UBR1: variants seen among roughly 807,000 people sequenced by gnomAD.
UBR1 encodes ubiquitin protein ligase E3 component n-recognin 1.
In UBR1, 102 loss-of-function variants were observed where a neutral mutation model predicts 242.1. The ratio of observed to expected loss-of-function variants is 0.42; its 90% CI spans 0.36 to 0.50. UBR1 has a LOEUF of 0.50. Ranked by LOEUF, UBR1 falls within the 20% of genes least tolerant of loss-of-function variation. The pLI, the probability that UBR1 is intolerant of heterozygous loss-of-function variation, is 0.01. For missense variants in UBR1, 1,772 were observed against 2,101.8 expected (o/e 0.84, Z 3.07); for synonymous variants, 675 against 684.8 (o/e 0.99, Z 0.22).
chr15:42,960,238 GA>G (rs1326482498), intron 43 of UBR1, among the ~76,000 whole-genome samples: 1 of 151,856 alleles, frequency 6.6e-6, no homozygotes, highest in Non-Finnish European at 1.5e-5. Context: ...ACACAGGAAG[GA>G]AAAAGGATAT....
chr15:42,996,326 C>T lies in UBR1; in HGVS notation c.3757+1842G>A, dbSNP rs1443223635. Among the ~76,000 whole-genome samples, 11 of 152,280 alleles carry T rather than the reference C, an allele frequency of 7.2e-5. No individual in the cohort carries two copies. The South Asian group carries it at 2.3e-3, about 32-fold the overall frequency. On this transcript the variant is annotated intron_variant, in intron 33 of 46. Coordinates refer to ENST00000290650, the MANE Select transcript of UBR1 (RefSeq NM_174916.3). ...TGTATGATAACTTAGGCTGGGCACACTGGCTCATGCCTGTAATCCTGGTAC... is the reference window on the plus strand; with the variant it reads ...TGTATGATAACTTAGGCTGGGCACATTGGCTCATGCCTGTAATCCTGGTAC...
chr15:43,051,302 T>C (rs1215366499), intron 12 of UBR1, among the ~76,000 whole-genome samples: 3 of 152,170 alleles, frequency 2.0e-5, no homozygotes, highest in African/African-American at 7.2e-5. Flanking sequence ...GCCATTATCC[T>C]TAGCAAACTA....
chr15:43,075,134 T>G, intron 3 of UBR1, 45 bp from the exon 4 acceptor site: 2 of 1,372,602 alleles, frequency 1.5e-6, no homozygotes, highest in Non-Finnish European at 2.1e-6. Flanking sequence ...AACATTTTAC[T>G]AAGCATGAAG....
chr15:42,958,499 A>T (rs534940250), intron 43 of UBR1, among the ~76,000 whole-genome samples: 1 of 152,202 alleles, frequency 6.6e-6, no homozygotes, highest in Non-Finnish European at 1.5e-5. Context: ...CCATACTCCA[A>T]TCATGGGGCC....
At chr15:42,957,864 C>T (rs981247643) in intron 44 of UBR1, 149 bp downstream of exon 44, 1 of 706,692 alleles carries the variant, frequency 1.4e-6, no homozygotes, top group East Asian at 2.7e-5. Context: ...AAGATCCTGT[C>T]TAAAAAACAA....
chr15:43,079,773 C>CT, intron 3 of UBR1, among the ~76,000 whole-genome samples: 1 of 151,820 alleles, frequency 6.6e-6, no homozygotes, highest in Admixed American at 6.6e-5. Flanking sequence ...CAAAGCGAGA[C>CT]TCCGTCTCAA....
chr15:42,988,721 A>C, intron 35 of UBR1, 98 bp downstream of exon 35: 1 of 1,517,550 alleles, frequency 6.6e-7, no homozygotes, highest in African/African-American at 1.4e-5. Flanking sequence ...ATACAAGTCA[A>C]ATTATTCTGG....
At position 42,945,234 on chromosome 15, in the gene UBR1, C is replaced by T; in HGVS notation, c.*95G>A. On this transcript the variant is annotated 3_prime_UTR_variant, in exon 47 of 47. Coordinates refer to ENST00000290650, the MANE Select transcript of UBR1 (RefSeq NM_174916.3). ...ACCTGGACATGGAGCAAAAGACCCTCCAATACTTTCCCAGCCCTCAGAAAG... is the reference window on the plus strand; with the variant it reads ...ACCTGGACATGGAGCAAAAGACCCTTCAATACTTTCCCAGCCCTCAGAAAG... The T allele has an allele frequency of 1.3e-6, 2 of 1,565,350 alleles. No individual in the cohort carries two copies. The highest frequency in any genetic ancestry group is 1.8e-6 in the Non-Finnish European group (2 of 1,141,938).
rs570160990 is a variant in UBR1, at chr15:43,036,002, C to T, written c.2190+176G>A. Among the ~76,000 whole-genome samples the T allele has an allele frequency of 6.6e-5, 10 of 151,912 alleles. No individual in the cohort carries two copies. The South Asian group carries it at 1.5e-3, about 22-fold the overall frequency. On this transcript the variant is annotated intron_variant, in intron 19 of 46. Coordinates refer to ENST00000290650, the MANE Select transcript of UBR1 (RefSeq NM_174916.3). ...CTAGATGACGAGTTAGTGGGTGCAG[C>T]GCACCAGCATGGCACATGTATACAT...
chr15:43,010,172 T>C (rs960223798), intron 29 of UBR1, among the ~76,000 whole-genome samples: 1 of 152,170 alleles, frequency 6.6e-6, no homozygotes, highest in African/African-American at 2.4e-5. Flanking sequence ...GCGCCCGCCC[T>C]ACTCTGCAGT....
rs577578284 is a variant in UBR1 at position 43,018,704 on chromosome 15, T to C, written c.2941-1523A>G. Among the ~76,000 whole-genome samples, 17 of 152,324 alleles carry C rather than the reference T, an allele frequency of 1.1e-4. No individual in the cohort carries two copies. The East Asian group carries it at 3.1e-3, about 28-fold the overall frequency. On this transcript the variant is annotated intron_variant, in intron 27 of 46. Transcript: ENST00000290650. The stretch of plus-strand genomic sequence containing the variant: ...CTGTGCCCAGTAAAATTTATTTATA[T>C]TTTGAAAGAACCTTGGTCTCATGAG...
chr15:43,036,756 A>T (rs112361015), intron 17 of UBR1, among the ~76,000 whole-genome samples, 163 bp from the exon 18 acceptor site: 461 of 152,336 alleles, frequency 3.0e-3, no homozygotes, highest in Non-Finnish European at 5.7e-3. Context: ...GGGACTAGCG[A>T]GGATGAAGTG....
intron 27 of UBR1, 109 bp from the exon 28 acceptor site, chr15:43,017,290 A>G (rs760296860): frequency 4.4e-5 from 34 of 765,044 alleles, no homozygotes; most frequent in Middle Eastern, 7.0e-4. Flanking sequence ...AATGTCTTTC[A>G]CTTAAACTAT....
At chr15:43,088,383 A>G (rs2141362727) in intron 1 of UBR1, among the ~76,000 whole-genome samples, 1 of 152,362 alleles carries the variant, frequency 6.6e-6, no homozygotes, top group African/African-American at 2.4e-5. Flanking sequence ...CAATGCAGTC[A>G]GAATGTCATA....
Position 42,980,693 on chromosome 15 carries a change from C to T in UBR1, c.4151-2746G>A, listed in dbSNP as rs529330569. 3.0e-3 allele frequency among the ~76,000 whole-genome samples: 456 copies of T among 152,138 alleles called. 2 individuals are homozygous for T. Among genetic ancestry groups the T allele is most frequent in the Middle Eastern group, 6.8e-3 (2 of 294 alleles). On this transcript the variant is annotated intron_variant, in intron 37 of 46. Coordinates refer to ENST00000290650, the MANE Select transcript of UBR1 (RefSeq NM_174916.3). The stretch of plus-strand genomic sequence containing the variant: ...GTACAATCATGGCTTACTGCAGCCA[C>T]GACCTCCTGGGTGCAAGTGATACTC...
At chr15:43,005,629 G>A (rs2032812195) in intron 30 of UBR1, among the ~76,000 whole-genome samples, 1 of 152,258 alleles carries the variant, frequency 6.6e-6, no homozygotes. Flanking sequence ...TGATGACGAT[G>A]GCGGTTTTGT....
At chr15:43,105,679 C>T (rs1007196739) in intron 1 of UBR1, among the ~76,000 whole-genome samples, 5 of 152,306 alleles carry the variant, frequency 3.3e-5, no homozygotes, top group African/African-American at 9.6e-5. Context: ...CTAATAACAT[C>T]ACTGGTTCTT....
chr15:42,952,293 A>C lies in UBR1; in HGVS notation c.4991T>G (p.Val1664Gly). The C allele has an allele frequency of 6.2e-7, 1 of 1,614,124 alleles. No individual in the cohort carries two copies. The highest frequency in any genetic ancestry group is 8.5e-7 in the Non-Finnish European group (1 of 1,180,032). The change falls in exon 45 of 47, where the codon GTC becomes GGC. Residue 1664 changes from valine (V) to glycine (G), a missense_variant. Val to Gly is a moderately radical substitution (Grantham distance 109, BLOSUM62 -3). This residue lies in a region of UBR1 where 965 missense variants were observed against 1,079.7 expected (regional missense o/e 0.89). Transcript: ENST00000290650. ...IFHALHCGAGVCIFLKIRECR... is the reference protein window; with the variant it reads ...IFHALHCGAGGCIFLKIRECR... ...CACTACTCACTTTAGGAAAATGCAG[A>C]CTCCGGCTCCACAGTGAAGTGCGTG...
Position 42,950,613 on chromosome 15 carries a change from A to G in UBR1, c.5007-250T>C, listed in dbSNP as rs189693176. On this transcript the variant is annotated intron_variant, in intron 45 of 46. Coordinates refer to ENST00000290650, the MANE Select transcript of UBR1 (RefSeq NM_174916.3). Reference sequence around the variant, plus strand: ...AAATGAGATCATTTATACTGACGGAATCTGTTGAAGGGAGGAAACTGTCCT... The same window carrying G: ...AAATGAGATCATTTATACTGACGGAGTCTGTTGAAGGGAGGAAACTGTCCT... The G allele has an allele frequency of 6.8e-4, 331 of 488,026 alleles. 3 individuals carry two copies. The highest frequency in any genetic ancestry group is 6.1e-3 in the Admixed American group (182 of 30,004). 30.2% of individuals were successfully genotyped at this position (488,026 alleles called of 1,614,324 possible). A position where few individuals can be genotyped will look rare whatever the true frequency, so the allele number is the denominator to read the frequency against.
Sources: gnomAD v4.1 joint callset for allele counts (sites outside exome capture counted in the v4.1 genomes callset) on GRCh38, gnomAD v4.1.1 for gene constraint, gnomAD v4.1.1 regional missense constraint, MANE v1.5 for transcripts, NCBI Gene and HGNC (gene_info 2026-07-23, HGNC 2026-07-21) for gene names.